The following SCN8A variants were observed in gnomAD, a reference collection of about 807,000 sequenced individuals.
SCN8A encodes sodium voltage-gated channel alpha subunit 8, also known as sodium channel protein type 8 subunit alpha.
Under a neutral mutation model 184.1 loss-of-function variants are expected in SCN8A, and 30 were observed. That is an observed-to-expected ratio of 0.16 (90% CI 0.12 to 0.22). The LOEUF is 0.22. SCN8A is among the 10% of genes least tolerant of loss of function. The pLI is 1.00. For synonymous variants in SCN8A, 852 were observed against 907.0 expected, an observed-to-expected ratio of 0.94 and a Z score of 1.09; for missense variants, 1,057 against 2,498.9, an observed-to-expected ratio of 0.42 and a Z score of 12.30.
chr12:51,749,594 G>C (rs543502475), intron 13 of SCN8A, among the ~76,000 whole-genome samples: 3 of 152,270 alleles, frequency 2.0e-5, no homozygotes, highest in Non-Finnish European at 4.4e-5. Context: ...AGCCACAGCA[G>C]ATTTTCCTCA....
intron 12 of SCN8A, chr12:51,723,069 A>G (rs1942094812): frequency 6.6e-6 from 1 of 152,212 alleles, no homozygotes; most frequent in African/African-American, 2.4e-5. Flanking sequence ...AATTAGCATG[A>G]TGCATGTATG....
intron 26 of SCN8A, among the ~76,000 whole-genome samples, chr12:51,805,987 C>T (rs1396524972): frequency 6.6e-6 from 1 of 152,152 alleles, no homozygotes; most frequent in Non-Finnish European, 1.5e-5. Flanking sequence ...CACCACCATG[C>T]CCAGCTAATT....
intron 5 of SCN8A, among the ~76,000 whole-genome samples, chr12:51,688,390 G>A (rs1282456794): frequency 6.6e-6 from 1 of 152,204 alleles, no homozygotes; most frequent in Non-Finnish European, 1.5e-5. Flanking sequence ...GGCTCCTGCT[G>A]CAGAAATTTG....
chr12:51,713,740 TGCA>T (rs1199794427), intron 11 of SCN8A: 11 of 320,762 alleles, frequency 3.4e-5, no homozygotes, highest in African/African-American at 6.4e-5. Flanking sequence ...ATTGCTCTAT[TGCA>T]GCAGTTTTCA....
intron 20 of SCN8A, 59 bp from the exon 21 acceptor site, chr12:51,780,590 T>TAAC: frequency 3.0e-6 from 1 of 328,512 alleles, no homozygotes; most frequent in Non-Finnish European, 5.1e-6. Context: ...TTTTTTTTTT[T>TAAC]TTTTTTTTTT....
At position 51,721,309 on chromosome 12, in the gene SCN8A, G is replaced by A. The variant is rs74091624; in HGVS notation, c.1636-237G>A. 0.042 allele frequency among the ~76,000 whole-genome samples: 6,413 copies of A among 151,826 alleles called. 428 individuals are homozygous for A. Among genetic ancestry groups the A allele is most frequent in the African/African-American group, 0.14 (5,944 of 41,338 alleles). On this transcript the variant is annotated intron_variant, in intron 11 of 26. Transcript: ENST00000627620. ...TGAGATAAAAGCATCTTAGGGATGC[G>A]TGCAAGAACAGTGGGTAGACGTTTT...
intron 25 of SCN8A, among the ~76,000 whole-genome samples, chr12:51,790,916 C>T (rs1040903708): frequency 3.3e-5 from 5 of 152,206 alleles, no homozygotes; most frequent in African/African-American, 1.2e-4. Flanking sequence ...CAGGATGTAT[C>T]TAGAAGTTAA....
intron 2 of SCN8A, among the ~76,000 whole-genome samples, chr12:51,663,824 C>A (rs1240093962): frequency 6.6e-6 from 1 of 151,658 alleles, no homozygotes; most frequent in Non-Finnish European, 1.5e-5. Flanking sequence ...ACAAAGCCTC[C>A]TGGGTGATCC....
chr12:51,690,759 G>GT (rs1941493122), intron 6 of SCN8A, among the ~76,000 whole-genome samples: 1 of 152,154 alleles, frequency 6.6e-6, no homozygotes, highest in South Asian at 2.1e-4. Flanking sequence ...CTGGAATGTG[G>GT]TTTACTGAGA....
At chr12:51,713,953 G>C (rs1400931740) in intron 11 of SCN8A, among the ~76,000 whole-genome samples, 1 of 148,590 alleles carries the variant, frequency 6.7e-6, no homozygotes, top group African/African-American at 2.5e-5. Flanking sequence ...AAAATGAACT[G>C]TTTTCCAAAA....
At chr12:51,664,380 G>C (rs1940989547) in intron 2 of SCN8A, among the ~76,000 whole-genome samples, 1 of 151,938 alleles carries the variant, frequency 6.6e-6, no homozygotes, top group African/African-American at 2.4e-5. Context: ...GCTAATTTTT[G>C]TATTTTTAGT....
At chr12:51,593,078 A>G (rs1239364440) in intron 1 of SCN8A, among the ~76,000 whole-genome samples, 1 of 152,182 alleles carries the variant, frequency 6.6e-6, no homozygotes, top group Non-Finnish European at 1.5e-5. Context: ...AGCACATTAC[A>G]TGTAACCTGG....
At chr12:51,783,649 A>G (rs1175301075) in intron 21 of SCN8A, among the ~76,000 whole-genome samples, 2 of 152,182 alleles carry the variant, frequency 1.3e-5, no homozygotes, top group African/African-American at 4.8e-5. Flanking sequence ...TGTGCTGTTA[A>G]ATTTTTGAGG....
chr12:51,702,277 A>T (rs1397431360), intron 8 of SCN8A, among the ~76,000 whole-genome samples: 1 of 149,012 alleles, frequency 6.7e-6, no homozygotes, highest in Non-Finnish European at 1.5e-5. Flanking sequence ...ACCCGAGATC[A>T]TGCCATGGCA....
In SCN8A at chr12:51,807,707, C is replaced by T. The variant is rs1230582520; in HGVS notation, c.*278C>T. 1.1e-5 allele frequency: 5 copies of T among 452,654 alleles called. No individual in the cohort carries two copies. Among genetic ancestry groups the T allele is most frequent in the Non-Finnish European group, 2.0e-5 (5 of 254,538 alleles). The allele number at this position is 452,654 out of a possible 1,614,324, so 28.0% of individuals were successfully genotyped here. A position where few individuals can be genotyped will look rare whatever the true frequency, so the allele number is the denominator to read the frequency against. ...TCAATGCAACTTAGGACAAAACTAACCAGATACAGAAACAGAAGAGAGGCT... is the reference window on the plus strand; with the variant it reads ...TCAATGCAACTTAGGACAAAACTAATCAGATACAGAAACAGAAGAGAGGCT... On this transcript the variant is annotated 3_prime_UTR_variant, in exon 27 of 27. Coordinates refer to ENST00000627620, the MANE Select transcript of SCN8A (RefSeq NM_001330260.2). The surrounding 1 kb of genome is among the most constrained non-coding windows in gnomAD (Gnocchi z 4.5).
In SCN8A at chr12:51,799,158, C is replaced by A. The variant is rs1035270804; in HGVS notation, c.4795+4517C>A. The stretch of plus-strand genomic sequence containing the variant: ...TGATCATAGCGAACTCCCCATGAGG[C>A]CATCTCTGCAGGCTCTGGGAGAGAA... On this transcript the variant is annotated intron_variant, in intron 26 of 26. Transcript: ENST00000627620. Among the ~76,000 whole-genome samples the A allele has an allele frequency of 4.6e-5, 7 of 152,208 alleles. No individual in the cohort carries two copies. In the East Asian group the frequency reaches 1.2e-3, roughly 25 times the overall value.
intron 1 of SCN8A, among the ~76,000 whole-genome samples, chr12:51,625,523 C>A (rs1490384263): frequency 1.3e-5 from 2 of 152,154 alleles, no homozygotes; most frequent in Non-Finnish European, 2.9e-5. Context: ...TAACTTGGAT[C>A]AATAACTAGG....
intron 8 of SCN8A, among the ~76,000 whole-genome samples, chr12:51,702,214 C>T (rs1044844432): frequency 6.7e-6 from 1 of 149,770 alleles, no homozygotes; most frequent in African/African-American, 2.5e-5. Context: ...CCCAGCTACT[C>T]GGGAGGCTGA....
intron 26 of SCN8A, among the ~76,000 whole-genome samples, chr12:51,805,420 A>G (rs1185505173): frequency 6.6e-6 from 1 of 152,062 alleles, no homozygotes; most frequent in Non-Finnish European, 1.5e-5. Context: ...CCCCATCTCT[A>G]CAAAATATTT....
Sources: gnomAD v4.1 joint callset for allele counts (sites outside exome capture counted in the v4.1 genomes callset) on GRCh38, gnomAD v4.1.1 for gene constraint, Gnocchi (gnomAD v3.1) non-coding constraint, MANE v1.5 for transcripts, NCBI Gene and HGNC (gene_info 2026-07-23, HGNC 2026-07-21) for gene names.